The following P4HA3 variants were observed in gnomAD, a reference collection of about 807,000 sequenced individuals.
The protein encoded by P4HA3 is prolyl 4-hydroxylase subunit alpha-3.
P4HA3 carries 60 observed loss-of-function variants against 66.7 expected under a neutral mutation model. The observed-to-expected ratio is 0.90, with a 90% CI of 0.73 to 1.12. P4HA3 has a LOEUF of 1.12. Ranked by LOEUF, P4HA3 falls within the 50% of genes most tolerant of loss-of-function variation. The pLI is 0.00. For synonymous variants in P4HA3, 263 were observed against 274.6 expected (o/e 0.96, Z 0.42); for missense variants, 683 against 685.8 (o/e 1.00, Z 0.05).
chr11:74,281,455 CAA>C (rs1185751373), intron 7 of P4HA3, among the ~76,000 whole-genome samples: 1 of 152,126 alleles, frequency 6.6e-6, no homozygotes, highest in African/African-American at 2.4e-5. Flanking sequence ...TTCACAATAG[CAA>C]AGACTTGGAA....
At chr11:74,268,322 G>T in intron 11 of P4HA3, 81 bp from the exon 12 acceptor site, 1 of 1,156,396 alleles carries the variant, frequency 8.6e-7, no homozygotes, top group Non-Finnish European at 1.3e-6. Context: ...GACAAATGCA[G>T]GCATGTCATT....
intron 15 of P4HA3, among the ~76,000 whole-genome samples, chr11:74,252,891 G>T (rs1474095485): frequency 1.3e-5 from 2 of 152,118 alleles, no homozygotes; most frequent in Non-Finnish European, 2.9e-5. Flanking sequence ...AGGTGGTATT[G>T]ACCCACCTCA....
In P4HA3 at chr11:74,289,747, C is replaced by T. The variant is rs113775087; in HGVS notation, c.718-617G>A. Reference sequence around the variant, plus strand: ...TTCTGAGAATGACGGTTTCCAGTTTCATCCATGTCCCTACAAAGGACATGA... The same window carrying T: ...TTCTGAGAATGACGGTTTCCAGTTTTATCCATGTCCCTACAAAGGACATGA... On this transcript the variant is annotated intron_variant, in intron 4 of 12. Coordinates refer to ENST00000331597, the MANE Select transcript of P4HA3 (RefSeq NM_182904.5). Among the ~76,000 whole-genome samples, 409 of 152,160 alleles carry T rather than the reference C, an allele frequency of 2.7e-3. 3 individuals are homozygous for T. Among genetic ancestry groups the T allele is most frequent in the African/African-American group, 9.3e-3 (384 of 41,502 alleles).
intron 4 of P4HA3, among the ~76,000 whole-genome samples, chr11:74,296,235 T>C (rs557989116): frequency 8.0e-4 from 122 of 152,344 alleles, no homozygotes; most frequent in African/African-American, 2.9e-3. Context: ...ATAAGAAAAC[T>C]GAGGCCCAGG....
chr11:74,298,275 C>A lies in P4HA3; in HGVS notation c.654G>T (p.Trp218Cys). ...VSLFRGSYGEWKTEDEASLED... is the reference protein window; with the variant it reads ...VSLFRGSYGECKTEDEASLED... The stretch of plus-strand genomic sequence containing the variant: ...CTAGACTTGCCTCATCCTCTGTCTT[C>A]CACTCTCCGTAAGATCCTCGGAAGA... The change falls in exon 4 of 13, where the codon TGG becomes TGT. Residue 218 changes from tryptophan (W) to cysteine (C), a missense_variant. Coordinates refer to ENST00000331597, the MANE Select transcript of P4HA3 (RefSeq NM_182904.5). The A allele has an allele frequency of 1.9e-6, 3 of 1,614,122 alleles. No individual in the cohort carries two copies. The highest frequency in any genetic ancestry group is 2.5e-6 in the Non-Finnish European group (3 of 1,180,008).
intron 4 of P4HA3, among the ~76,000 whole-genome samples, chr11:74,296,235 T>G (rs557989116): frequency 6.6e-6 from 1 of 152,226 alleles, no homozygotes; most frequent in Non-Finnish European, 1.5e-5. Context: ...ATAAGAAAAC[T>G]GAGGCCCAGG....
In P4HA3 at chr11:74,253,530, C is replaced by T. The variant is rs562262558; in HGVS notation, c.*1319-5529G>A. 2.4e-5 allele frequency: 38 copies of T among 1,599,986 alleles called. No individual in the cohort carries two copies. The East Asian group carries it at 2.7e-4, about 11-fold the overall frequency. On this transcript the variant is annotated intron_variant and NMD_transcript_variant, in intron 15 of 15. Coordinates refer to the P4HA3 transcript ENST00000524388. ...TGTTAGTGACCTGCTGTCCACCCCT[C>T]CTCAACATCGAGCTCTGTTGTAAAT...
rs560758150 is a variant in P4HA3, at chr11:74,299,646, C to T, written c.568-1285G>A. On this transcript the variant is annotated intron_variant, in intron 3 of 12. Coordinates refer to ENST00000331597, the MANE Select transcript of P4HA3 (RefSeq NM_182904.5). ...GACACTTTGAATAAACTATAAAAAG[C>T]GTTTTATTATATATTTTCAAGAAAA... Among the ~76,000 whole-genome samples, 74 of 142,408 alleles carry T rather than the reference C, an allele frequency of 5.2e-4. 1 individual carries two copies. The highest frequency in any genetic ancestry group is 1.9e-3 in the African/African-American group (70 of 37,560). The allele number at this position is 142,408 out of a possible 152,430, so 93.4% of individuals were successfully genotyped here.
chr11:74,276,975 C>A lies in P4HA3; in HGVS notation c.1335+10G>T. On this transcript the variant is annotated intron_variant, in intron 9 of 12. Transcript: ENST00000331597. ...TACCCCAGGGGATTGGTCATTGACT[C>A]CACCATTACCGTAGCATGGTCAAAG... The A allele has an allele frequency of 6.2e-7, 1 of 1,609,072 alleles. No homozygotes were observed. Among genetic ancestry groups the A allele is most frequent in the Non-Finnish European group, 8.5e-7 (1 of 1,176,696 alleles).
At chr11:74,290,754 T>C (rs1860990174) in intron 4 of P4HA3, among the ~76,000 whole-genome samples, 1 of 152,226 alleles carries the variant, frequency 6.6e-6, no homozygotes, top group Non-Finnish European at 1.5e-5. Context: ...CAGATAGTTG[T>C]AGATATGCGG....
At chr11:74,295,216 T>G (rs547600605) in intron 4 of P4HA3, among the ~76,000 whole-genome samples, 11 of 152,324 alleles carry the variant, frequency 7.2e-5, no homozygotes, top group African/African-American at 2.6e-4. Flanking sequence ...TTCTCCAGAT[T>G]CAGTTCTTCC....
intron 15 of P4HA3, among the ~76,000 whole-genome samples, chr11:74,253,135 T>G (rs976347610): frequency 3.6e-4 from 55 of 152,004 alleles, no homozygotes; most frequent in African/African-American, 1.3e-3. Flanking sequence ...CAGGGCAGGG[T>G]AAGCACTGGA....
Position 74,273,609 on chromosome 11 carries a change from T to C in P4HA3, c.1336-2A>G, listed in dbSNP as rs1385071988. Reference sequence around the variant, plus strand: ...TCTGTAGAGGGGGCTGCTTGGTGACTGAGAAAAAAAAAAACAGAACATATT... The same window carrying C: ...TCTGTAGAGGGGGCTGCTTGGTGACCGAGAAAAAAAAAAACAGAACATATT... On this transcript the variant is annotated splice_acceptor_variant, in intron 9 of 12. Coordinates refer to ENST00000331597, the MANE Select transcript of P4HA3 (RefSeq NM_182904.5). LOFTEE classifies it high-confidence loss of function. The C allele has an allele frequency of 1.9e-6, 3 of 1,549,262 alleles. No homozygotes were observed. Among genetic ancestry groups the C allele is most frequent in the Admixed American group, 2.2e-5 (1 of 46,136 alleles).
At chr11:74,268,587 G>A (rs1860078046) in intron 11 of P4HA3, among the ~76,000 whole-genome samples, 1 of 152,202 alleles carries the variant, frequency 6.6e-6, no homozygotes, top group African/African-American at 2.4e-5. Flanking sequence ...GGGTCACTGA[G>A]GAGAAACACC....
In P4HA3 at chr11:74,309,515, G is replaced by C. The variant is rs187475509; in HGVS notation, c.200+1897C>G. 7.9e-5 allele frequency among the ~76,000 whole-genome samples: 12 copies of C among 152,318 alleles called. No individual in the cohort carries two copies. The East Asian group carries it at 2.3e-3, about 29-fold the overall frequency. ...CGTCTCCATCTGAGCTACCCAAAGA[G>C]ATTACTGGTATGAGAACAAGCATGG... On this transcript the variant is annotated intron_variant, in intron 1 of 12. Coordinates refer to ENST00000331597, the MANE Select transcript of P4HA3 (RefSeq NM_182904.5).
At chr11:74,279,804 T>C (rs1262165756) in intron 7 of P4HA3, among the ~76,000 whole-genome samples, 1 of 152,218 alleles carries the variant, frequency 6.6e-6, no homozygotes, top group African/African-American at 2.4e-5. Flanking sequence ...CTCATTCGTC[T>C]TTGTTTCCCA....
At chr11:74,280,455 G>A (rs774697471) in intron 7 of P4HA3, among the ~76,000 whole-genome samples, 8 of 152,200 alleles carry the variant, frequency 5.3e-5, no homozygotes, top group East Asian at 3.9e-4. Context: ...CCACCATACC[G>A]GGCCTAAATT....
In P4HA3 at chr11:74,268,217, GGTT is replaced by G. The variant is rs1565403574; in HGVS notation, c.1489_1491del (p.Asn497del). ...CTGTCCCCTTCACCACTCCTGTGCA[GGTT>G]CCACCAAAACAGTGCTGCATTCTGA... On this transcript the variant is annotated inframe_deletion, in exon 12 of 13. Coordinates refer to ENST00000331597, the MANE Select transcript of P4HA3 (RefSeq NM_182904.5). 1 of 1,613,966 alleles carries G rather than the reference GGTT, an allele frequency of 6.2e-7. No homozygotes were observed. Among genetic ancestry groups the G allele is most frequent in the South Asian group, 1.1e-5 (1 of 91,048 alleles).
Position 74,278,986 on chromosome 11 carries a change from A to G in P4HA3, c.1175+402T>C, listed in dbSNP as rs141068411. ...ACAGAAGCCATCAGGGCCAGAGTCT[A>G]TTTGTCCTTCTGGTCTCATTCTTGG... is the stretch of plus-strand genomic sequence containing the variant. On this transcript the variant is annotated intron_variant, in intron 8 of 12. Transcript: ENST00000331597. 1.5e-3 allele frequency among the ~76,000 whole-genome samples: 230 copies of G among 152,188 alleles called. 1 individual carries two copies. Among genetic ancestry groups the G allele is most frequent in the African/African-American group, 5.1e-3 (210 of 41,514 alleles).
Sources: gnomAD v4.1 joint callset for allele counts (sites outside exome capture counted in the v4.1 genomes callset) on GRCh38, gnomAD v4.1.1 for gene constraint, MANE v1.5 for transcripts, NCBI Gene and HGNC (gene_info 2026-07-23, HGNC 2026-07-21) for gene names.